The following SPTBN2 variants were observed in gnomAD, a reference collection of about 807,000 sequenced individuals.
The protein encoded by SPTBN2 is spectrin beta, non-erythrocytic 2, also known as spectrin beta chain, non-erythrocytic 2.
A neutral mutation model predicts 284.2 loss-of-function variants in SPTBN2; 107 were observed. The ratio of observed to expected loss-of-function variants is 0.38; its 90% CI spans 0.32 to 0.44. SPTBN2 has a LOEUF of 0.44. SPTBN2 is among the 20% of genes least tolerant of loss of function. The pLI, the probability that SPTBN2 is intolerant of heterozygous loss-of-function variation, is 1.00. For synonymous variants in SPTBN2, 1,289 were observed against 1,354.8 expected (o/e 0.95, Z 1.07); for missense variants, 2,569 against 3,287.1 (o/e 0.78, Z 5.34).
chr11:66,688,140 T>G lies in SPTBN2; in HGVS notation c.6374+29A>C, dbSNP rs113186214. The G allele has an allele frequency of 1.6e-4, 265 of 1,613,492 alleles. 1 individual carries two copies. Among genetic ancestry groups the G allele is most frequent in the Admixed American group, 1.6e-3 (94 of 60,022 alleles). ...CCTGGGTGGCCTGGGCTCAGCCGCCTCCTCCTACCCAGGCATCCTGGCTCT... is the reference window on the plus strand; with the variant it reads ...CCTGGGTGGCCTGGGCTCAGCCGCCGCCTCCTACCCAGGCATCCTGGCTCT... On this transcript the variant is annotated intron_variant, in intron 32 of 37. Transcript: ENST00000533211.
chr11:66,733,124 T>C (rs1430442276), upstream of SPTBN2, among the ~76,000 whole-genome samples: 2 of 152,146 alleles, frequency 1.3e-5, no homozygotes, highest in Admixed American at 6.5e-5. Flanking sequence ...TATGTCATTA[T>C]TTAAAGAATT....
chr11:66,695,886 G>A lies in SPTBN2; in HGVS notation c.4278+391C>T, dbSNP rs1182662163. On this transcript the variant is annotated intron_variant, in intron 21 of 37. Coordinates refer to ENST00000533211, the MANE Select transcript of SPTBN2 (RefSeq NM_006946.4). ...CAAGTAGCTGGGATAACAGGCGTGC[G>A]CCACCACGCCTGGCTAATTTTTGTA... 5.3e-5 allele frequency among the ~76,000 whole-genome samples: 8 copies of A among 151,754 alleles called. No homozygotes were observed. The East Asian group carries it at 5.8e-4, about 11-fold the overall frequency.
chr11:66,690,043 G>C lies in SPTBN2; in HGVS notation c.5806C>G (p.Pro1936Ala). The C allele has an allele frequency of 6.2e-7, 1 of 1,614,244 alleles. No homozygotes were observed. The highest frequency in any genetic ancestry group is 8.5e-7 in the Non-Finnish European group (1 of 1,180,040). ...VNLQMDAQER[P>A]RDVSSADLVI... Reference sequence around the variant, plus strand: ...CCTGAGCCCTGGGATTCTCACCGGGGACGCTCCTGGGCATCCATCTGCAGG... The same window carrying C: ...CCTGAGCCCTGGGATTCTCACCGGGCACGCTCCTGGGCATCCATCTGCAGG... Residue 1936 changes from proline to alanine, a missense_variant, in exon 28 of 38, where the codon CCC becomes GCC. Around this residue, in one of 6 missense-constraint regions of SPTBN2, gnomAD observed 1,130 missense variants for 1,317.3 expected, o/e 0.86. Coordinates refer to ENST00000533211, the MANE Select transcript of SPTBN2 (RefSeq NM_006946.4).
Position 66,693,443 on chromosome 11 carries a change from G to A in SPTBN2, c.4597C>T (p.Leu1533=). Residue 1533 remains leucine (L), a synonymous_variant, in exon 24 of 38, where the codon CTG becomes TTG. Transcript: ENST00000533211. The surrounding 1 kb of genome is among the most constrained non-coding windows in gnomAD (Gnocchi z 5.7). ...TCATGGCCCTGAATCTCTTTCTGCA[G>A]GGTCTGCCCATGGCCACAGAAGAGA... The part of the protein sequence containing the change: ...VQLLMKKNQT[L]QKEIQGHEPR... The A allele has an allele frequency of 6.3e-7, 1 of 1,598,698 alleles. No individual in the cohort carries two copies. Among genetic ancestry groups the A allele is most frequent in the Non-Finnish European group, 8.5e-7 (1 of 1,179,564 alleles).
intron 1 of SPTBN2, among the ~76,000 whole-genome samples, chr11:66,737,761 A>C (rs1175621346): frequency 6.6e-6 from 1 of 152,232 alleles, no homozygotes; most frequent in Non-Finnish European, 1.5e-5. Flanking sequence ...TAAATACACT[A>C]TGTAAACTGG....
At chr11:66,699,353 G>C (rs1040303471) in intron 18 of SPTBN2, 53 bp downstream of exon 18, 2 of 1,601,082 alleles carry the variant, frequency 1.2e-6, no homozygotes, top group African/African-American at 1.3e-5. Context: ...AGGTCACCCT[G>C]TTTCTCCGAT....
intron 36 of SPTBN2, 42 bp downstream of exon 36, chr11:66,686,952 C>A: frequency 6.2e-7 from 1 of 1,612,160 alleles, no homozygotes; most frequent in South Asian, 1.1e-5. Context: ...GTGTCACTCC[C>A]AACTCTCCTC....
chr11:66,710,467 A>C lies in SPTBN2; in HGVS notation c.1073+115T>G. 9.6e-7 allele frequency: 1 copy of C among 1,037,292 alleles called. No individual in the cohort carries two copies. The highest frequency in any genetic ancestry group is 1.4e-6 in the Non-Finnish European group (1 of 691,930). 64.3% of individuals were successfully genotyped at this position (1,037,292 alleles called of 1,614,324 possible). On this transcript the variant is annotated intron_variant, in intron 10 of 37. Transcript: ENST00000533211. This position sits in a 1 kb window ranked among gnomAD's most constrained non-coding sequence, Gnocchi z 4.9. ...GTTGTTTGGATGCTTCTGGTGTGGG[A>C]AATCTCCACTGCATTTATGTACTGC...
intron 36 of SPTBN2, 191 bp downstream of exon 36, chr11:66,686,803 C>T (rs1451277880): frequency 2.6e-6 from 2 of 761,430 alleles, no homozygotes; most frequent in Non-Finnish European, 4.3e-6. Context: ...GGTCTTGGTT[C>T]TCCTGCTCCC....
In SPTBN2 at chr11:66,701,624, T is replaced by C. The variant is rs1941251545; in HGVS notation, c.2776A>G (p.Lys926Glu). The C allele has an allele frequency of 1.2e-5, 20 of 1,614,012 alleles. No homozygotes were observed. Among genetic ancestry groups the C allele is most frequent in the Non-Finnish European group, 1.6e-5 (19 of 1,180,048 alleles). ...EQLLKANPPG[K>E]DRIVNTQEQL... The stretch of plus-strand genomic sequence containing the variant: ...TCCTGGGTGTTGACAATGCGGTCTT[T>C]GCCTGGGGGGTTGGCCTTCAGTAAC... Residue 926 changes from lysine to glutamate, a missense_variant, in exon 16 of 38, where the codon AAA becomes GAA. Around this residue, in one of 6 missense-constraint regions of SPTBN2, gnomAD observed 1,012 missense variants for 1,248.9 expected, o/e 0.81. Coordinates refer to ENST00000533211, the MANE Select transcript of SPTBN2 (RefSeq NM_006946.4).
rs1387069168 is a variant in SPTBN2, at chr11:66,705,473, G to A, written c.1808-5C>T. ...GCGGGTCGCAAGGTCTATACTCTGA[G>A]AAAGTCACAGGAGAGGGTCAGAGCC... On this transcript the variant is annotated splice_region_variant and splice_polypyrimidine_tract_variant and intron_variant, in intron 14 of 37. Transcript: ENST00000533211. The A allele has an allele frequency of 1.2e-6, 2 of 1,612,840 alleles. No individual in the cohort carries two copies. Among genetic ancestry groups the A allele is most frequent in the African/African-American group, 1.3e-5 (1 of 74,954 alleles).
chr11:66,688,561 G>A, intron 31 of SPTBN2, 92 bp downstream of exon 31: 15 of 1,540,426 alleles, frequency 9.7e-6, no homozygotes, highest in Non-Finnish European at 1.3e-5. Flanking sequence ...CTGGTGCAGT[G>A]GGAAGAGAGA....
chr11:66,692,580 C>T lies in SPTBN2; in HGVS notation c.5146G>A (p.Val1716Met). The T allele has an allele frequency of 6.2e-7, 1 of 1,606,376 alleles. No individual in the cohort carries two copies. The highest frequency in any genetic ancestry group is 8.5e-7 in the Non-Finnish European group (1 of 1,179,958). ...LEQWIQEREV[V>M]AASHELGQDY... ...TGGCCCAGCTCGTGGGAGGCCGCCA[C>T]CACCTCGCGCTCCTGGATCCACTGT... Residue 1716 changes from valine to methionine, a missense_variant, in exon 26 of 38, where the codon GTG becomes ATG. By Grantham distance (21) the Val-to-Met change is conservative. Around this residue, in one of 6 missense-constraint regions of SPTBN2, gnomAD observed 1,130 missense variants for 1,317.3 expected, o/e 0.86. Transcript: ENST00000533211.
In SPTBN2 at chr11:66,685,689, G is replaced by T; in HGVS notation, c.*182C>A. 1 of 639,612 alleles carries T rather than the reference G, an allele frequency of 1.6e-6. No homozygotes were observed. Among genetic ancestry groups the T allele is most frequent in the Non-Finnish European group, 2.8e-6 (1 of 358,324 alleles). 39.6% of individuals were successfully genotyped at this position (639,612 alleles called of 1,614,324 possible). ...ACCACCAGTCTGGAATTAAACAGCA[G>T]AAGAGAAGGGCTGCCCTTGGGAACA... is the stretch of plus-strand genomic sequence containing the variant. On this transcript the variant is annotated 3_prime_UTR_variant, in exon 38 of 38. Coordinates refer to ENST00000533211, the MANE Select transcript of SPTBN2 (RefSeq NM_006946.4). This position sits in a 1 kb window ranked among gnomAD's most constrained non-coding sequence, Gnocchi z 4.4.
chr11:66,686,275 A>G, intron 37 of SPTBN2, 123 bp downstream of exon 37: 1 of 1,452,672 alleles, frequency 6.9e-7, no homozygotes, highest in Non-Finnish European at 9.7e-7. Flanking sequence ...GCCGTCGCAC[A>G]CATCCAGTCT....
At position 66,690,348 on chromosome 11, in the gene SPTBN2, T is replaced by A. The variant is rs555328960; in HGVS notation, c.5566-65A>T. 21 of 1,485,542 alleles carry A rather than the reference T, an allele frequency of 1.4e-5. No individual in the cohort carries two copies. The East Asian group carries it at 5.2e-4, about 37-fold the overall frequency. The allele number at this position is 1,485,542 out of a possible 1,614,324, so 92.0% of individuals were successfully genotyped here. A position where few individuals can be genotyped will look rare whatever the true frequency, so the allele number is the denominator to read the frequency against. ...TCCAAGGAGCCGCAGCCTGCCTCAG[T>A]CCTGGCTGCCACTCTCACCTCCTGC... On this transcript the variant is annotated intron_variant, in intron 27 of 37. Coordinates refer to ENST00000533211, the MANE Select transcript of SPTBN2 (RefSeq NM_006946.4).
In SPTBN2 at chr11:66,720,165, C is replaced by A. The variant is rs1366764452; in HGVS notation, c.157+919G>T. 3.9e-5 allele frequency among the ~76,000 whole-genome samples: 6 copies of A among 152,170 alleles called. 1 individual carries two copies. The South Asian group carries it at 1.2e-3, about 32-fold the overall frequency. ...TAAAACATGTGGCCAGGTTTGGGAA[C>A]CTCCCCCTTGGAGTCTCTCTTCTTC... On this transcript the variant is annotated intron_variant, in intron 3 of 37. Transcript: ENST00000533211.
At chr11:66,702,020 C>G (rs530853328) in intron 15 of SPTBN2, among the ~76,000 whole-genome samples, 12 of 152,210 alleles carry the variant, frequency 7.9e-5, no homozygotes, top group Non-Finnish European at 1.5e-4. Flanking sequence ...GGGGCCAACC[C>G]TTTATCAGAG....
In SPTBN2 at chr11:66,708,964, G is replaced by A. The variant is rs199861592; in HGVS notation, c.1129C>T (p.Arg377Trp). 3.5e-5 allele frequency: 56 copies of A among 1,613,724 alleles called. No individual in the cohort carries two copies. Among genetic ancestry groups the A allele is most frequent in the Middle Eastern group, 3.3e-4 (2 of 6,080 alleles). ...GTGTAGACCTTCTGGTTGTTGGCCC[G>A]AAGCTTGCTCTGGATGGTGAAGAGC... ...VLLFTIQSKL[R>W]ANNQKVYTPR... Residue 377 changes from arginine (R) to tryptophan (W), a missense_variant, in exon 11 of 38, where the codon CGG becomes TGG. Arg to Trp is a moderately radical substitution (Grantham distance 101, BLOSUM62 -3). This residue lies in a region of SPTBN2 where 304 missense variants were observed against 522.1 expected (regional missense o/e 0.58). Transcript: ENST00000533211. This position sits in a 1 kb window ranked among gnomAD's most constrained non-coding sequence, Gnocchi z 4.4.
Sources: allele counts gnomAD v4.1 joint callset (sites outside exome capture counted in the v4.1 genomes callset), GRCh38; gene constraint gnomAD v4.1.1; regional missense constraint gnomAD v4.1.1; non-coding constraint Gnocchi (gnomAD v3.1); transcripts MANE v1.5; gene names NCBI Gene and HGNC (gene_info 2026-07-23, HGNC 2026-07-21).